C1QTNF2: variants seen among roughly 807,000 people sequenced by gnomAD.
C1QTNF2 encodes C1q and TNF related 2.
A neutral mutation model predicts 17.4 loss-of-function variants in C1QTNF2; 15 were observed. The ratio of observed to expected loss-of-function variants is 0.86; its 90% CI spans 0.58 to 1.33. C1QTNF2 has a LOEUF of 1.33. C1QTNF2 is among the 40% of genes most tolerant of loss of function. The probability of loss-of-function intolerance (pLI) is 0.00; values close to 1 mark genes in which losing one functional copy is unlikely to be tolerated. For missense variants in C1QTNF2, 381 were observed against 392.3 expected (o/e 0.97, Z 0.24); for synonymous variants, 154 against 163.3 (o/e 0.94, Z 0.44).
chr5:160,358,244 C>T lies in C1QTNF2; in HGVS notation c.-9-3224G>A, dbSNP rs184516661. Among the ~76,000 whole-genome samples, 725 of 152,276 alleles carry T rather than the reference C, an allele frequency of 4.8e-3. 10 individuals carry two copies. The highest frequency in any genetic ancestry group is 4.6e-3 in the Non-Finnish European group (315 of 68,014). ...AAGGCGGGGAGACTAGATTCTAGTT[C>T]CAAACCTAGAGGAAGGGAGGGAGAG... On this transcript the variant is annotated intron_variant, in intron 1 of 2. Transcript: ENST00000652664.
chr5:160,361,676 C>T (rs1207795580), intron 1 of C1QTNF2, among the ~76,000 whole-genome samples: 3 of 152,218 alleles, frequency 2.0e-5, no homozygotes, highest in Non-Finnish European at 4.4e-5. Context: ...GTGTTTGACA[C>T]TGTAAACGCT....
intron 1 of C1QTNF2, among the ~76,000 whole-genome samples, chr5:160,360,270 C>A (rs144606252): frequency 1.1e-3 from 168 of 152,324 alleles, no homozygotes; most frequent in Admixed American, 3.2e-3. Context: ...GGCCACCTGG[C>A]TTCAAACTTC....
At chr5:160,364,635 A>G (rs1482232289) in intron 1 of C1QTNF2, among the ~76,000 whole-genome samples, 2 of 152,228 alleles carry the variant, frequency 1.3e-5, no homozygotes, top group Non-Finnish European at 2.9e-5. Flanking sequence ...CATTTCAGGT[A>G]GAGACTCCTG....
Position 160,360,859 on chromosome 5 carries a change from A to G in C1QTNF2, c.-9-5839T>C, listed in dbSNP as rs539937323. On this transcript the variant is annotated intron_variant, in intron 1 of 2. Transcript: ENST00000652664. ...TGCCAGGCTGGAGTGCAGTGGCGCAATCTCAGCTCACTGCAACCTCCATCT... is the reference window on the plus strand; with the variant it reads ...TGCCAGGCTGGAGTGCAGTGGCGCAGTCTCAGCTCACTGCAACCTCCATCT... Among the ~76,000 whole-genome samples the G allele has an allele frequency of 4.0e-5, 6 of 151,004 alleles. No homozygotes were observed. The East Asian group carries it at 1.2e-3, about 29-fold the overall frequency.
chr5:160,370,056 A>T (rs116427322), intron 1 of C1QTNF2, among the ~76,000 whole-genome samples: 65 of 152,252 alleles, frequency 4.3e-4, no homozygotes, highest in African/African-American at 1.3e-3. Context: ...CGGGTATTGG[A>T]CTCAGATTTA....
rs1188063326 is a variant in C1QTNF2 at position 160,349,939 on chromosome 5, G to T, written c.245-158C>A. ...TATAGAAGTGGGTGTAAATCCTAAT[G>T]CTAGCTCTCTGGAAAATGGAAATGA... On this transcript the variant is annotated intron_variant, in intron 2 of 2. Coordinates refer to ENST00000652664, the MANE Select transcript of C1QTNF2 (RefSeq NM_031908.6). This position sits in a 1 kb window ranked among gnomAD's most constrained non-coding sequence, Gnocchi z 4.3. Among the ~76,000 whole-genome samples, 1 of 152,234 alleles carries T rather than the reference G, an allele frequency of 6.6e-6. No homozygotes were observed. The highest frequency in any genetic ancestry group is 1.5e-5 in the Non-Finnish European group (1 of 68,036).
At chr5:160,359,158 A>G (rs920095880) in intron 1 of C1QTNF2, among the ~76,000 whole-genome samples, 2 of 151,926 alleles carry the variant, frequency 1.3e-5, no homozygotes, top group South Asian at 2.1e-4. Flanking sequence ...TTTTCAGAGG[A>G]AAAAACAGAT....
intron 2 of C1QTNF2, among the ~76,000 whole-genome samples, chr5:160,353,962 C>T (rs1479395187): frequency 6.6e-6 from 1 of 151,898 alleles, no homozygotes; most frequent in African/African-American, 2.4e-5. Context: ...CACCACCAGA[C>T]CTGGCTAATT....
intron 2 of C1QTNF2, among the ~76,000 whole-genome samples, chr5:160,352,366 G>A (rs1322411447): frequency 2.0e-5 from 3 of 152,160 alleles, no homozygotes; most frequent in Admixed American, 6.5e-5. Context: ...CTTTTCTGGA[G>A]GTGAATTTGT....
At chr5:160,369,456 T>A (rs1404758498) in intron 1 of C1QTNF2, among the ~76,000 whole-genome samples, 1 of 151,988 alleles carries the variant, frequency 6.6e-6, no homozygotes, top group Middle Eastern at 3.2e-3. Context: ...GCAGGAGTAA[T>A]TGATATAATT....
intron 1 of C1QTNF2, among the ~76,000 whole-genome samples, chr5:160,368,364 T>C (rs1480654410): frequency 6.6e-6 from 1 of 151,874 alleles, no homozygotes; most frequent in African/African-American, 2.4e-5. Context: ...AAACCCCGTC[T>C]CTACTAAAAA....
chr5:160,359,699 C>T lies in C1QTNF2; in HGVS notation c.-9-4679G>A, dbSNP rs926952521. Among the ~76,000 whole-genome samples the T allele has an allele frequency of 5.3e-5, 8 of 152,304 alleles. 1 individual carries two copies. The South Asian group carries it at 1.2e-3, about 24-fold the overall frequency. The stretch of plus-strand genomic sequence containing the variant: ...TTGGATTAGACAAGGTGATGAGAGG[C>T]GTGGAGGGGACAGCCTCCTGGGCCC... On this transcript the variant is annotated intron_variant, in intron 1 of 2. Transcript: ENST00000652664.
chr5:160,363,011 C>A (rs1358120551), intron 1 of C1QTNF2, among the ~76,000 whole-genome samples: 1 of 152,210 alleles, frequency 6.6e-6, no homozygotes, highest in Non-Finnish European at 1.5e-5. Context: ...CAGTCCTGAA[C>A]TCCCACTGGG....
chr5:160,365,617 C>T (rs954405031), intron 1 of C1QTNF2, among the ~76,000 whole-genome samples: 1 of 152,168 alleles, frequency 6.6e-6, no homozygotes, highest in African/African-American at 2.4e-5. Context: ...TACAGGTCTA[C>T]CCCTAGAGAA....
At chr5:160,357,732 C>G (rs1764076771) in intron 1 of C1QTNF2, among the ~76,000 whole-genome samples, 1 of 151,646 alleles carries the variant, frequency 6.6e-6, no homozygotes, top group African/African-American at 2.4e-5. Context: ...CTGCAAACAG[C>G]TAGCTGAAGA....
rs367822488 is a variant in C1QTNF2, at chr5:160,349,886, T to C, written c.245-105A>G. 17 of 1,332,412 alleles carry C rather than the reference T, an allele frequency of 1.3e-5. No individual in the cohort carries two copies. In the East Asian group the frequency reaches 2.2e-4, roughly 17 times the overall value. The allele number at this position is 1,332,412 out of a possible 1,614,324, so 82.5% of individuals were successfully genotyped here. ...TCTTGGAGAAGGAGTGCTTGGGTAA[T>C]AGAAAGAACAAGAAGGCTTTGCAGA... On this transcript the variant is annotated intron_variant, in intron 2 of 2. Coordinates refer to ENST00000652664, the MANE Select transcript of C1QTNF2 (RefSeq NM_031908.6). The surrounding 1 kb of genome is among the most constrained non-coding windows in gnomAD (Gnocchi z 4.3).
In C1QTNF2 at chr5:160,349,605, A is replaced by T. The variant is rs990544421; in HGVS notation, c.421T>A (p.Cys141Ser). 2 of 1,612,752 alleles carry T rather than the reference A, an allele frequency of 1.2e-6. No homozygotes were observed. The highest frequency in any genetic ancestry group is 2.7e-5 in the African/African-American group (2 of 74,586). Residue 141 changes from cysteine (C) to serine (S), a missense_variant, in exon 3 of 3, where the codon TGC (cysteine) becomes AGC (serine). Coordinates refer to ENST00000652664, the MANE Select transcript of C1QTNF2 (RefSeq NM_031908.6). This position sits in a 1 kb window ranked among gnomAD's most constrained non-coding sequence, Gnocchi z 4.3. The part of the protein sequence containing the change: ...KKGEPGLPGP[C>S]SCGSGHTKSA... ...TTGGTATGGCCACTGCCACAGCTGC[A>T]GGGGCCTGGGAGGCCTGGCTCCCCC...
At chr5:160,361,791 T>G (rs548315054) in intron 1 of C1QTNF2, among the ~76,000 whole-genome samples, 1 of 152,188 alleles carries the variant, frequency 6.6e-6, no homozygotes, top group African/African-American at 2.4e-5. Flanking sequence ...AGGTCTCATA[T>G]CATCTCCTCA....
At position 160,349,091 on chromosome 5, in the gene C1QTNF2, C is replaced by CTGTT; in HGVS notation, c.*76_*77insAACA. On this transcript the variant is annotated 3_prime_UTR_variant, in exon 3 of 3. Coordinates refer to ENST00000652664, the MANE Select transcript of C1QTNF2 (RefSeq NM_031908.6). The surrounding 1 kb of genome is among the most constrained non-coding windows in gnomAD (Gnocchi z 4.3). ...CGCTCACTCGACCCCCCACCCCCAG[C>CTGTT]CTACAGTTGTGGGGTCTTGCTCTGT... is the stretch of plus-strand genomic sequence containing the variant. The CTGTT allele has an allele frequency of 6.6e-7, 1 of 1,513,134 alleles. No homozygotes were observed. The highest frequency in any genetic ancestry group is 8.9e-7 in the Non-Finnish European group (1 of 1,128,210). The allele number at this position is 1,513,134 out of a possible 1,614,324, so 93.7% of individuals were successfully genotyped here.
Sources: allele counts gnomAD v4.1 joint callset (sites outside exome capture counted in the v4.1 genomes callset), GRCh38; gene constraint gnomAD v4.1.1; non-coding constraint Gnocchi (gnomAD v3.1); transcripts MANE v1.5; gene names NCBI Gene and HGNC (gene_info 2026-07-23, HGNC 2026-07-21).